The following CNTNAP3B variants were observed in gnomAD, a reference collection of about 807,000 sequenced individuals.
CNTNAP3B encodes contactin-associated protein-like 3B.
In CNTNAP3B, 25 loss-of-function variants were observed where a neutral mutation model predicts 108.9. The observed-to-expected ratio is 0.23, with a 90% CI of 0.17 to 0.32. The LOEUF is 0.32. Ranked by LOEUF, CNTNAP3B falls within the 10% of genes least tolerant of loss-of-function variation. CNTNAP3B has a pLI of 1.00. For synonymous variants in CNTNAP3B, 103 were observed against 473.4 expected, an observed-to-expected ratio of 0.22 and a Z score of 10.16; for missense variants, 252 against 1,210.4, an observed-to-expected ratio of 0.21 and a Z score of 11.75.
rs1303233619 is a variant in CNTNAP3B at position 42,127,151 on chromosome 9, C to T, written c.85+1859G>A. Among the ~76,000 whole-genome samples, 7 of 138,392 alleles carry T rather than the reference C, an allele frequency of 5.1e-5. 1 individual carries two copies. The highest frequency in any genetic ancestry group is 2.0e-4 in the African/African-American group (7 of 34,680). The allele number at this position is 138,392 out of a possible 152,430, so 90.8% of individuals were successfully genotyped here. A position where few individuals can be genotyped will look rare whatever the true frequency, so the allele number is the denominator to read the frequency against. On this transcript the variant is annotated intron_variant, in intron 1 of 23. Coordinates refer to ENST00000377561, the MANE Select transcript of CNTNAP3B (RefSeq NM_001201380.3). ...ATATGAGGATACTAAGTTTCATCAA[C>T]GAAAGAAGACTGAAAACACCCACAG...
chr9:41,924,298 C>T (rs2117965280), intron 15 of CNTNAP3B, among the ~76,000 whole-genome samples: 1 of 152,426 alleles, frequency 6.6e-6, no homozygotes, highest in East Asian at 1.9e-4. Context: ...ATTCTGTGTT[C>T]AGAGAAGGCC....
chr9:41,917,805 A>T (rs1823556758), intron 18 of CNTNAP3B, among the ~76,000 whole-genome samples: 1 of 150,914 alleles, frequency 6.6e-6, no homozygotes, highest in East Asian at 2.0e-4. Flanking sequence ...CTGGCACCCA[A>T]TCTTGGGGTA....
At chr9:42,021,526 C>A (rs1402836605) in intron 3 of CNTNAP3B, among the ~76,000 whole-genome samples, 2 of 80,950 alleles carry the variant, frequency 2.5e-5, no homozygotes, top group Non-Finnish European at 4.7e-5. Flanking sequence ...CATCAATGAA[C>A]AATATTGCCA....
chr9:42,099,304 T>C lies in CNTNAP3B; in HGVS notation c.196+5325A>G, dbSNP rs932888887. Among the ~76,000 whole-genome samples the C allele has an allele frequency of 8.1e-5, 10 of 123,860 alleles. 1 individual carries two copies. The highest frequency in any genetic ancestry group is 1.5e-4 in the Non-Finnish European group (9 of 59,436). The allele number at this position is 123,860 out of a possible 152,430, so 81.3% of individuals were successfully genotyped here. A position where few individuals can be genotyped will look rare whatever the true frequency, so the allele number is the denominator to read the frequency against. On this transcript the variant is annotated intron_variant, in intron 2 of 23. Transcript: ENST00000377561. The stretch of plus-strand genomic sequence containing the variant: ...CCACAGTGACCCACATCATCAACAA[T>C]GGCATGCATCTGTCATGCATCTTCC...
At chr9:42,079,702 A>C (rs1285085832) in intron 2 of CNTNAP3B, among the ~76,000 whole-genome samples, 1 of 137,030 alleles carries the variant, frequency 7.3e-6, no homozygotes, top group East Asian at 2.2e-4. Flanking sequence ...TTGTATTTTT[A>C]GTAGAGACGG....
In CNTNAP3B at chr9:41,965,328, T is replaced by G. The variant is rs1380588700; in HGVS notation, c.1650-684A>C. The stretch of plus-strand genomic sequence containing the variant: ...CCAGCCAATGTTGAAAAAGAACAGT[T>G]GGAGGTCTCACACTTTCAGAATTCT... On this transcript the variant is annotated intron_variant, in intron 10 of 23. Transcript: ENST00000377561. 7.2e-5 allele frequency among the ~76,000 whole-genome samples: 11 copies of G among 152,106 alleles called. No individual in the cohort carries two copies. The East Asian group carries it at 1.9e-3, about 27-fold the overall frequency.
rs1485685936 is a variant in CNTNAP3B at position 42,127,137 on chromosome 9, C to T, written c.85+1873G>A. On this transcript the variant is annotated intron_variant, in intron 1 of 23. Coordinates refer to ENST00000377561, the MANE Select transcript of CNTNAP3B (RefSeq NM_001201380.3). The stretch of plus-strand genomic sequence containing the variant: ...GTAAAATTTATTAGATATGAGGATA[C>T]TAAGTTTCATCAACGAAAGAAGACT... Among the ~76,000 whole-genome samples, 58 of 138,442 alleles carry T rather than the reference C, an allele frequency of 4.2e-4. 14 individuals are homozygous for T. The highest frequency in any genetic ancestry group is 1.6e-3 in the African/African-American group (54 of 34,694). The allele number at this position is 138,442 out of a possible 152,430, so 90.8% of individuals were successfully genotyped here. A position where few individuals can be genotyped will look rare whatever the true frequency, so the allele number is the denominator to read the frequency against.
chr9:42,082,486 GA>G lies in CNTNAP3B; in HGVS notation c.197-5425del, dbSNP rs1030847931. Among the ~76,000 whole-genome samples, 4 of 13,908 alleles carry G rather than the reference GA, an allele frequency of 2.9e-4. No homozygotes were observed. The East Asian group carries it at 5.6e-3, about 20-fold the overall frequency. 9.1% of individuals were successfully genotyped at this position (13,908 alleles called of 152,430 possible). A position where few individuals can be genotyped will look rare whatever the true frequency, so the allele number is the denominator to read the frequency against. On this transcript the variant is annotated intron_variant, in intron 2 of 23. Transcript: ENST00000377561. ...TTTACCTGAGATCTAATTTCATTTA[GA>G]AAAAAAAGGGCTAACTACACAGATA...
chr9:42,085,898 T>G (rs866610105), intron 2 of CNTNAP3B, among the ~76,000 whole-genome samples: 3 of 145,160 alleles, frequency 2.1e-5, no homozygotes, highest in African/African-American at 5.4e-5. Flanking sequence ...GCTTTAATTT[T>G]ATTACTAAAT....
chr9:41,928,307 C>G (rs1201114709), intron 15 of CNTNAP3B, among the ~76,000 whole-genome samples: 6 of 152,242 alleles, frequency 3.9e-5, no homozygotes, highest in African/African-American at 1.4e-4. Flanking sequence ...CCAAATTTCA[C>G]AGGGCAACAC....
intron 3 of CNTNAP3B, among the ~76,000 whole-genome samples, chr9:42,074,542 AT>A (rs1157494137): frequency 6.8e-6 from 1 of 147,926 alleles, no homozygotes; most frequent in Non-Finnish European, 1.5e-5. Flanking sequence ...TAGCATTAAC[AT>A]TTTTTTCACC....
chr9:42,071,789 T>C (rs1464979917), intron 3 of CNTNAP3B, among the ~76,000 whole-genome samples: 1 of 131,596 alleles, frequency 7.6e-6, no homozygotes, highest in African/African-American at 3.0e-5. Flanking sequence ...TGACAGGATA[T>C]GCCTATGGAT....
intron 15 of CNTNAP3B, among the ~76,000 whole-genome samples, chr9:41,927,852 T>C (rs1438034649): frequency 6.7e-6 from 1 of 149,870 alleles, no homozygotes; most frequent in Non-Finnish European, 1.5e-5. Flanking sequence ...ATTGAATGCA[T>C]AGGAGAAGGA....
intron 15 of CNTNAP3B, among the ~76,000 whole-genome samples, chr9:41,926,444 T>C (rs1823821110): frequency 6.6e-6 from 1 of 152,308 alleles, no homozygotes; most frequent in Non-Finnish European, 1.5e-5. Context: ...TTATTTTTCT[T>C]TCTTTCTTCA....
intron 10 of CNTNAP3B, among the ~76,000 whole-genome samples, chr9:41,968,757 A>C (rs1158199595): frequency 6.9e-6 from 1 of 145,738 alleles, no homozygotes; most frequent in Non-Finnish European, 1.5e-5. Context: ...AATTTACTCC[A>C]TGAAGAAGGC....
At chr9:42,071,427 C>A (rs534960953) in intron 3 of CNTNAP3B, among the ~76,000 whole-genome samples, 2 of 136,130 alleles carry the variant, frequency 1.5e-5, no homozygotes, top group Non-Finnish European at 3.1e-5. Context: ...GCTAGAAGAA[C>A]AACATAGCAC....
chr9:41,934,218 C>T (rs1424422976), intron 14 of CNTNAP3B, among the ~76,000 whole-genome samples: 1 of 118,876 alleles, frequency 8.4e-6, no homozygotes, highest in Non-Finnish European at 1.7e-5. Flanking sequence ...CACACACATA[C>T]TTTTTTTTTT....
chr9:42,118,830 TCAA>T (rs1464041740), intron 1 of CNTNAP3B, among the ~76,000 whole-genome samples: 1 of 95,146 alleles, frequency 1.1e-5, no homozygotes, highest in Non-Finnish European at 2.1e-5. Flanking sequence ...CAGCAAAGTC[TCAA>T]AATCAAGATT....
intron 2 of CNTNAP3B, among the ~76,000 whole-genome samples, chr9:42,079,480 T>C (rs544328497): frequency 1.7e-5 from 2 of 120,516 alleles, no homozygotes; most frequent in East Asian, 5.7e-4. Flanking sequence ...TCCTTTTCTG[T>C]TTTTCTTATT....
Sources: gnomAD v4.1 joint callset for allele counts (sites outside exome capture counted in the v4.1 genomes callset) on GRCh38, gnomAD v4.1.1 for gene constraint, MANE v1.5 for transcripts, NCBI Gene and HGNC (gene_info 2026-07-23, HGNC 2026-07-21) for gene names.